Variants in MTDH observed in about 807,000 individuals in gnomAD.
MTDH encodes metadherin, also known as protein LYRIC.
A neutral mutation model predicts 72.7 loss-of-function variants in MTDH; 34 were observed. The observed-to-expected ratio is 0.47, with a 90% CI of 0.36 to 0.62. The LOEUF is 0.62. Ranked by LOEUF, MTDH falls within the 20% of genes least tolerant of loss-of-function variation. The pLI, the probability that MTDH is intolerant of heterozygous loss-of-function variation, is 0.00. For missense variants in MTDH, 677 were observed against 699.4 expected (o/e 0.97, Z 0.36); for synonymous variants, 266 against 268.9 (o/e 0.99, Z 0.10).
intron 1 of MTDH, among the ~76,000 whole-genome samples, chr8:97,645,454 G>A (rs1811529948): frequency 5.9e-5 from 9 of 152,208 alleles, no homozygotes; most frequent in Admixed American, 5.9e-4. Context: ...TTCTTGTTCT[G>A]GCAAATGTGG....
Position 97,727,856 on chromosome 8 carries a change from A to C in MTDH, c.*3186A>C, listed in dbSNP as rs1815419486. ...TACCTATCTGTACCGACAATTGAGC[A>C]AACAACAGTTGAGAGAGTCCAAAAA... On this transcript the variant is annotated 3_prime_UTR_variant, in exon 12 of 12. Transcript: ENST00000336273. The C allele has an allele frequency of 6.6e-6, 1 of 152,172 alleles. No homozygotes were observed. The highest frequency in any genetic ancestry group is 2.4e-5 in the African/African-American group (1 of 41,424). 9.4% of individuals were successfully genotyped at this position (152,172 alleles called of 1,614,324 possible). A position where few individuals can be genotyped will look rare whatever the true frequency, so the allele number is the denominator to read the frequency against.
At chr8:97,697,150 A>ATATATTTTT in intron 6 of MTDH, among the ~76,000 whole-genome samples, 9 of 68,748 alleles carry the variant, frequency 1.3e-4, no homozygotes, top group Non-Finnish European at 2.0e-4. Flanking sequence ...ATATATATAT[A>ATATATTTTT]TTTTTTTTTT....
intron 2 of MTDH, among the ~76,000 whole-genome samples, chr8:97,662,821 C>G (rs1184440383): frequency 6.6e-6 from 1 of 150,816 alleles, no homozygotes; most frequent in Non-Finnish European, 1.5e-5. Context: ...GAAATGGTTG[C>G]TACAGTTTCT....
At chr8:97,706,862 T>C (rs1814376439) in intron 8 of MTDH, 112 bp downstream of exon 8, 1 of 1,301,244 alleles carries the variant, frequency 7.7e-7, no homozygotes, top group Non-Finnish European at 1.0e-6. Context: ...GAGGATTGCT[T>C]GAGCCCAGGA....
intron 8 of MTDH, among the ~76,000 whole-genome samples, chr8:97,712,999 A>T (rs1814697109): frequency 6.6e-6 from 1 of 152,236 alleles, no homozygotes. Flanking sequence ...ACAGGGTCAA[A>T]TAAATTTTAA....
chr8:97,665,715 T>C (rs981871921), intron 2 of MTDH, among the ~76,000 whole-genome samples: 3 of 152,290 alleles, frequency 2.0e-5, no homozygotes, highest in Admixed American at 6.5e-5. Flanking sequence ...TATTCAGACA[T>C]AAGGGGAAGC....
chr8:97,710,283 A>G (rs139049957), intron 8 of MTDH, among the ~76,000 whole-genome samples: 13 of 152,322 alleles, frequency 8.5e-5, no homozygotes, highest in Admixed American at 2.6e-4. Flanking sequence ...GGTTACTAGA[A>G]TCATCTCTTC....
At chr8:97,652,591 G>A (rs192679879) in intron 1 of MTDH, among the ~76,000 whole-genome samples, 33 of 152,226 alleles carry the variant, frequency 2.2e-4, no homozygotes, top group African/African-American at 6.3e-4. Flanking sequence ...ACTGCCTGGC[G>A]TATAAGTGCC....
At chr8:97,688,928 G>A (rs1813474477) in intron 4 of MTDH, 110 bp from the exon 5 acceptor site, 3 of 441,264 alleles carry the variant, frequency 6.8e-6, no homozygotes, top group Non-Finnish European at 1.2e-5. Flanking sequence ...GCACTTGAAG[G>A]AGCAATTTAT....
At chr8:97,688,398 C>T (rs1813449883) in intron 4 of MTDH, among the ~76,000 whole-genome samples, 1 of 152,150 alleles carries the variant, frequency 6.6e-6, no homozygotes, top group Admixed American at 6.5e-5. Context: ...ACAGCAATGA[C>T]TTCTACTTAC....
chr8:97,664,964 T>G (rs1031753129), intron 2 of MTDH, among the ~76,000 whole-genome samples: 1 of 152,160 alleles, frequency 6.6e-6, no homozygotes, highest in Non-Finnish European at 1.5e-5. Flanking sequence ...TTTCACCACA[T>G]TGACCAAGGC....
intron 10 of MTDH, among the ~76,000 whole-genome samples, chr8:97,720,579 G>T (rs974496851): frequency 2.7e-4 from 40 of 148,740 alleles, no homozygotes; most frequent in African/African-American, 9.3e-4. Context: ...TTGTGAAGAA[G>T]AATATATATA....
In MTDH at chr8:97,699,859, C is replaced by T. The variant is rs201741961; in HGVS notation, c.1147+7C>T. On this transcript the variant is annotated splice_region_variant and intron_variant, in intron 7 of 11. Transcript: ENST00000336273. ...GATGAATGGTCTGGGTTAAGTATGTCCTTTTAAAAATTATCAGTTATTTTT... is the reference window on the plus strand; with the variant it reads ...GATGAATGGTCTGGGTTAAGTATGTTCTTTTAAAAATTATCAGTTATTTTT... 265 of 1,574,840 alleles carry T rather than the reference C, an allele frequency of 1.7e-4. No individual in the cohort carries two copies. The African/African-American group carries it at 3.3e-3, about 20-fold the overall frequency.
intron 6 of MTDH, among the ~76,000 whole-genome samples, chr8:97,694,859 A>G (rs1201740911): frequency 6.6e-6 from 1 of 151,706 alleles, no homozygotes; most frequent in Non-Finnish European, 1.5e-5. Flanking sequence ...GGAAGCGGAG[A>G]TTGCAGTGAG....
intron 2 of MTDH, among the ~76,000 whole-genome samples, chr8:97,665,514 C>A (rs183381411): frequency 4.1e-4 from 62 of 152,188 alleles, no homozygotes; most frequent in African/African-American, 1.4e-3. Flanking sequence ...TCTAGTAATA[C>A]AAGGCATTAA....
chr8:97,652,006 G>A (rs930443217), intron 1 of MTDH, among the ~76,000 whole-genome samples: 2 of 152,032 alleles, frequency 1.3e-5, no homozygotes, highest in Non-Finnish European at 2.9e-5. Context: ...CATCAGCAAA[G>A]TACCATCAAT....
At chr8:97,679,985 G>T (rs1260544235) in intron 2 of MTDH, among the ~76,000 whole-genome samples, 1 of 152,142 alleles carries the variant, frequency 6.6e-6, no homozygotes, top group East Asian at 1.9e-4. Context: ...TTATCAATCT[G>T]TCTTATTCAG....
intron 2 of MTDH, among the ~76,000 whole-genome samples, chr8:97,679,419 T>C (rs765652270): frequency 6.6e-6 from 1 of 151,996 alleles, no homozygotes. Context: ...ACAGAAACAA[T>C]GTATTGATGT....
chr8:97,668,844 C>T (rs1586220878), intron 2 of MTDH, among the ~76,000 whole-genome samples: 2 of 151,918 alleles, frequency 1.3e-5, no homozygotes, highest in Non-Finnish European at 1.5e-5. Context: ...CATGAGCCAC[C>T]GCGCCCGGCC....
Sources: gnomAD v4.1 joint callset for allele counts (sites outside exome capture counted in the v4.1 genomes callset) on GRCh38, gnomAD v4.1.1 for gene constraint, MANE v1.5 for transcripts, NCBI Gene and HGNC (gene_info 2026-07-23, HGNC 2026-07-21) for gene names.